The following MBD5 variants were observed in gnomAD, a reference collection of about 807,000 sequenced individuals.
MBD5 encodes the protein methyl-CpG-binding domain protein 5.
A neutral mutation model predicts 117.3 loss-of-function variants in MBD5; 13 were observed. The ratio of observed to expected loss-of-function variants is 0.11; its 90% CI spans 0.07 to 0.18. The LOEUF (loss-of-function observed/expected upper bound fraction) is 0.18, where lower values mean the gene tolerates loss of function less well. MBD5 is among the 10% of genes least tolerant of loss of function. The pLI, the probability that MBD5 is intolerant of heterozygous loss-of-function variation, is 1.00. For missense variants in MBD5, 1,879 were observed against 2,093.8 expected, an observed-to-expected ratio of 0.90 and a Z score of 2.00; for synonymous variants, 727 against 766.4, an observed-to-expected ratio of 0.95 and a Z score of 0.85.
chr2:148,314,919 T>G (rs544130841), intron 3 of MBD5, among the ~76,000 whole-genome samples: 7 of 152,336 alleles, frequency 4.6e-5, no homozygotes, highest in African/African-American at 1.7e-4. Context: ...TTTATCGACT[T>G]ATATCCATTC....
rs72854855 is a variant in MBD5 at position 148,176,381 on chromosome 2, G to A, written c.-924-2319G>A. ...ATATATTTTTATTGCAAAGTATTTGGGGACCTGTTTATAAGAATTTTCTTG... is the reference window on the plus strand; with the variant it reads ...ATATATTTTTATTGCAAAGTATTTGAGGACCTGTTTATAAGAATTTTCTTG... On this transcript the variant is annotated intron_variant, in intron 1 of 13. Transcript: ENST00000642680. 3.3e-4 allele frequency among the ~76,000 whole-genome samples: 49 copies of A among 148,956 alleles called. 1 individual carries two copies. Among genetic ancestry groups the A allele is most frequent in the South Asian group, 8.6e-4 (4 of 4,638 alleles).
At chr2:148,175,101 A>G (rs775104781) in intron 1 of MBD5, among the ~76,000 whole-genome samples, 3 of 152,198 alleles carry the variant, frequency 2.0e-5, no homozygotes, top group Non-Finnish European at 4.4e-5. Flanking sequence ...TTGCTAAGAG[A>G]GTAAATTTCA....
At chr2:148,060,741 T>C (rs1230318753) in intron 1 of MBD5, among the ~76,000 whole-genome samples, 1 of 152,184 alleles carries the variant, frequency 6.6e-6, no homozygotes, top group Non-Finnish European at 1.5e-5. Flanking sequence ...AAATATATTT[T>C]TGCCATTTCT....
intron 4 of MBD5, among the ~76,000 whole-genome samples, chr2:148,406,149 G>A (rs1315765077): frequency 6.6e-6 from 1 of 152,048 alleles, no homozygotes; most frequent in African/African-American, 2.4e-5. Flanking sequence ...AACCAAGATT[G>A]TGCCACTGCA....
intron 1 of MBD5, among the ~76,000 whole-genome samples, chr2:148,159,018 G>A (rs535445440): frequency 1.3e-5 from 2 of 151,994 alleles, no homozygotes; most frequent in South Asian, 2.1e-4. Flanking sequence ...CACCGTGCCC[G>A]GCCCCATTAT....
chr2:148,364,681 G>C (rs936596324), intron 4 of MBD5, among the ~76,000 whole-genome samples: 1 of 152,026 alleles, frequency 6.6e-6, no homozygotes, highest in African/African-American at 2.4e-5. Flanking sequence ...TAAAAAGCAG[G>C]GGTTGCAATC....
At chr2:148,212,434 T>A (rs1164306721) in intron 2 of MBD5, among the ~76,000 whole-genome samples, 1 of 152,236 alleles carries the variant, frequency 6.6e-6, no homozygotes, top group African/African-American at 2.4e-5. Context: ...CAAATAATGT[T>A]CTATTATATA....
intron 4 of MBD5, among the ~76,000 whole-genome samples, chr2:148,386,106 A>G (rs11888423): frequency 0.22 from 33,233 of 151,898 alleles, 4,341 homozygotes; most frequent in African/African-American, 0.36. Flanking sequence ...AACTTAAAGT[A>G]TAATAATAAT....
At chr2:148,118,425 C>T (rs903897513) in intron 1 of MBD5, among the ~76,000 whole-genome samples, 1 of 146,332 alleles carries the variant, frequency 6.8e-6, no homozygotes, top group Non-Finnish European at 1.5e-5. Flanking sequence ...GCCTGGGCAA[C>T]ATAAAAAAAA....
At position 148,469,136 on chromosome 2, in the gene MBD5, C is replaced by A; in HGVS notation, c.1193C>A (p.Pro398His). 6.2e-7 allele frequency: 1 copy of A among 1,614,056 alleles called. No individual in the cohort carries two copies. Among genetic ancestry groups the A allele is most frequent in the Non-Finnish European group, 8.5e-7 (1 of 1,179,980 alleles). ...QVPMMNVSMP[P>H]AVVPLPSNLP... ...CCTATGATGAATGTAAGCATGCCTCCTGCTGTTGTTCCTTTGCCAAGTAAT... is the reference window on the plus strand; with the variant it reads ...CCTATGATGAATGTAAGCATGCCTCATGCTGTTGTTCCTTTGCCAAGTAAT... The change falls in exon 8 of 14, where the codon CCT becomes CAT. Residue 398 changes from proline (P) to histidine (H), a missense_variant. Transcript: ENST00000642680.
chr2:148,059,302 A>T (rs925024669), intron 1 of MBD5, among the ~76,000 whole-genome samples: 2 of 152,138 alleles, frequency 1.3e-5, no homozygotes, highest in African/African-American at 2.4e-5. Flanking sequence ...TAAAAAAAAA[A>T]GTTTTCTATT....
intron 1 of MBD5, among the ~76,000 whole-genome samples, chr2:148,165,692 A>G (rs1228623148): frequency 6.6e-6 from 1 of 152,116 alleles, no homozygotes; most frequent in Non-Finnish European, 1.5e-5. Flanking sequence ...ATTTTATTAT[A>G]AATATCTATG....
At chr2:148,048,688 C>T (rs1199766797) in intron 1 of MBD5, among the ~76,000 whole-genome samples, 1 of 151,916 alleles carries the variant, frequency 6.6e-6, no homozygotes, top group African/African-American at 2.4e-5. Context: ...ATGACTTGTT[C>T]AGTAAAAGAC....
intron 2 of MBD5, among the ~76,000 whole-genome samples, chr2:148,206,415 A>T (rs1487286174): frequency 6.6e-6 from 1 of 152,170 alleles, no homozygotes; most frequent in African/African-American, 2.4e-5. Context: ...ATAATGATCA[A>T]ATCAGGGTAA....
intron 1 of MBD5, among the ~76,000 whole-genome samples, chr2:148,149,710 A>G (rs1003181203): frequency 6.6e-6 from 1 of 152,126 alleles, no homozygotes; most frequent in Admixed American, 6.5e-5. Flanking sequence ...GCATTTTTTC[A>G]TATGTTATTT....
intron 4 of MBD5, among the ~76,000 whole-genome samples, chr2:148,393,567 T>C (rs1199418331): frequency 6.6e-6 from 1 of 152,062 alleles, no homozygotes. Context: ...ACAAAAAAAA[T>C]TGATCCCTAT....
chr2:148,293,436 C>A (rs1265774294), intron 3 of MBD5, among the ~76,000 whole-genome samples: 1 of 152,030 alleles, frequency 6.6e-6, no homozygotes, highest in Non-Finnish European at 1.5e-5. Flanking sequence ...GGGATGGATA[C>A]CCCAGTCTCC....
intron 4 of MBD5, among the ~76,000 whole-genome samples, chr2:148,357,781 A>T (rs1231272923): frequency 6.6e-6 from 1 of 151,992 alleles, no homozygotes; most frequent in African/African-American, 2.4e-5. Context: ...ACAAAAATTC[A>T]TGGGAGGGTT....
At chr2:148,300,510 A>G (rs549972272) in intron 3 of MBD5, among the ~76,000 whole-genome samples, 1 of 152,260 alleles carries the variant, frequency 6.6e-6, no homozygotes, top group Non-Finnish European at 1.5e-5. Context: ...AAAAAAAAAA[A>G]CTAGACACAA....
Sources: gnomAD v4.1 joint callset for allele counts (sites outside exome capture counted in the v4.1 genomes callset) on GRCh38, gnomAD v4.1.1 for gene constraint, MANE v1.5 for transcripts, NCBI Gene and HGNC (gene_info 2026-07-23, HGNC 2026-07-21) for gene names.